Variants in SDAD1 observed in about 807,000 individuals in gnomAD.
The protein encoded by SDAD1 is SDA1 domain containing 1.
SDAD1 carries 79 observed loss-of-function variants against 100.3 expected under a neutral mutation model. The observed-to-expected ratio is 0.79, with a 90% CI of 0.66 to 0.95. The LOEUF (loss-of-function observed/expected upper bound fraction) is 0.95. SDAD1 is among the 40% of genes least tolerant of loss of function. The pLI is 0.00. For missense variants in SDAD1, 790 were observed against 810.9 expected (o/e 0.97, Z 0.31); for synonymous variants, 267 against 271.4 (o/e 0.98, Z 0.16).
intron 1 of SDAD1, among the ~76,000 whole-genome samples, chr4:75,988,668 T>C (rs1731048577): frequency 6.6e-6 from 1 of 152,218 alleles, no homozygotes; most frequent in African/African-American, 2.4e-5. Context: ...CAATATTATG[T>C]AGTCCCAGGG....
chr4:75,971,748 T>C (rs936441249), intron 8 of SDAD1, among the ~76,000 whole-genome samples: 7 of 152,042 alleles, frequency 4.6e-5, no homozygotes, highest in East Asian at 1.9e-4. Context: ...GGTGCACACC[T>C]GTAATCCCAG....
intron 1 of SDAD1, among the ~76,000 whole-genome samples, chr4:75,988,945 T>C (rs1320318503): frequency 6.6e-6 from 1 of 152,194 alleles, no homozygotes; most frequent in Non-Finnish European, 1.5e-5. Context: ...AGATCCATTA[T>C]ATTAGTTACC....
At position 75,975,981 on chromosome 4, in the gene SDAD1, A is replaced by G. The variant is rs1578138385; in HGVS notation, c.420T>C (p.His140=). 1 of 1,598,130 alleles carries G rather than the reference A, an allele frequency of 6.3e-7. No individual in the cohort carries two copies. Among genetic ancestry groups the G allele is most frequent in the South Asian group, 1.1e-5 (1 of 90,664 alleles). ...TTATATTCTTGATATCAGTCACAAT[A>G]TGTGTGTATAAAGTCTGAGGAAAAG... ...DKLLRKTLYT[H]IVTDIKNINA... The change falls in exon 5 of 22, where the codon CAT becomes CAC. Residue 140 remains histidine (H), a synonymous_variant. Transcript: ENST00000356260.
At chr4:75,959,599 C>T (rs1178646695) in intron 17 of SDAD1, among the ~76,000 whole-genome samples, 3 of 148,338 alleles carry the variant, frequency 2.0e-5, no homozygotes, top group Non-Finnish European at 4.5e-5. Flanking sequence ...GAGACTCCAA[C>T]GTGAGGAAAA....
chr4:75,964,317 C>T lies in SDAD1; in HGVS notation c.1105-106G>A. ...TATTCATAGTGGAAAACCCAGCCTT[C>T]CACCTTCAGTTTAGGAATTGGAAGT... On this transcript the variant is annotated intron_variant, in intron 13 of 21. Transcript: ENST00000356260. 4.0e-6 allele frequency: 3 copies of T among 756,608 alleles called. No homozygotes were observed. The South Asian group carries it at 4.7e-5, about 12-fold the overall frequency. The allele number at this position is 756,608 out of a possible 1,614,324, so 46.9% of individuals were successfully genotyped here.
chr4:75,981,653 G>A (rs1051826273), intron 2 of SDAD1, 183 bp from the exon 3 acceptor site: 5 of 1,040,054 alleles, frequency 4.8e-6, no homozygotes, highest in Non-Finnish European at 7.0e-6. Context: ...GGTTTCTCTA[G>A]TCTTAGTAAT....
intron 17 of SDAD1, among the ~76,000 whole-genome samples, chr4:75,958,979 T>A (rs1482404606): frequency 6.6e-6 from 1 of 151,062 alleles, no homozygotes; most frequent in African/African-American, 2.4e-5. Flanking sequence ...GCGCCTGTAG[T>A]CCCAGCTATT....
intron 1 of SDAD1, among the ~76,000 whole-genome samples, chr4:75,985,359 C>G (rs750974536): frequency 6.6e-6 from 1 of 152,202 alleles, no homozygotes; most frequent in South Asian, 2.1e-4. Flanking sequence ...CACACTGCTA[C>G]GTCGTTTCTT....
At chr4:75,983,358 G>T (rs1453050269) in intron 1 of SDAD1, among the ~76,000 whole-genome samples, 1 of 152,152 alleles carries the variant, frequency 6.6e-6, no homozygotes, top group Non-Finnish European at 1.5e-5. Flanking sequence ...GATCCTTGAG[G>T]AATTGCCACA....
Position 75,957,848 on chromosome 4 carries a change from AT to A in SDAD1, c.1576del (p.Ile526SerfsTer5). 1 of 1,614,086 alleles carries A rather than the reference AT, an allele frequency of 6.2e-7. No individual in the cohort carries two copies. The highest frequency in any genetic ancestry group is 8.5e-7 in the Non-Finnish European group (1 of 1,179,978). ...ATAAGATGAAATTTTCAGACTTACGATTTCTTGCTGTTCTTCATCGGAAGAG... is the reference window on the plus strand; with the variant it reads ...ATAAGATGAAATTTTCAGACTTACGATTCTTGCTGTTCTTCATCGGAAGAG... ...QHSSDEEQQE[I>X]SKKLNSMPME... is the part of the protein sequence containing the mutation. On this transcript the variant is annotated frameshift_variant and splice_region_variant, in exon 18 of 22. Transcript: ENST00000356260. LOFTEE classifies it high-confidence loss of function.
At chr4:75,964,996 A>C (rs1729457856) in intron 13 of SDAD1, among the ~76,000 whole-genome samples, 1 of 152,238 alleles carries the variant, frequency 6.6e-6, no homozygotes, top group Non-Finnish European at 1.5e-5. Flanking sequence ...AGAACAGGGT[A>C]ACAGCGATGT....
chr4:75,983,847 T>A (rs917649371), intron 1 of SDAD1, among the ~76,000 whole-genome samples: 2 of 152,168 alleles, frequency 1.3e-5, no homozygotes, highest in African/African-American at 2.4e-5. Context: ...GGTGTTTTAG[T>A]CATTAAGTCT....
In SDAD1 at chr4:75,969,413, G is replaced by A. The variant is rs76310548; in HGVS notation, c.884-14C>T. Reference sequence around the variant, plus strand: ...TTTCCGCAAAATCTGGCAAGGAGAGGATGAAAGAAGTACATTGTGAGTCTA... The same window carrying A: ...TTTCCGCAAAATCTGGCAAGGAGAGAATGAAAGAAGTACATTGTGAGTCTA... On this transcript the variant is annotated splice_polypyrimidine_tract_variant and intron_variant, in intron 10 of 21. Transcript: ENST00000356260. 3.5e-3 allele frequency: 5,430 copies of A among 1,566,292 alleles called. 10 individuals are homozygous for A. The highest frequency in any genetic ancestry group is 6.7e-3 in the Middle Eastern group (40 of 5,958).
At chr4:75,973,996 T>C in intron 7 of SDAD1, 80 bp downstream of exon 7, 2 of 1,226,294 alleles carry the variant, frequency 1.6e-6, no homozygotes, top group Non-Finnish European at 2.4e-6. Context: ...CAGTTTATGC[T>C]GAGTGATGCT....
intron 4 of SDAD1, among the ~76,000 whole-genome samples, chr4:75,977,351 A>C (rs112974713): frequency 1.3e-5 from 2 of 152,160 alleles, no homozygotes; most frequent in South Asian, 2.1e-4. Flanking sequence ...AAGTTACTCT[A>C]TCTCTCTTTA....
chr4:75,953,970 G>C (rs562123069), intron 21 of SDAD1, among the ~76,000 whole-genome samples: 1 of 152,106 alleles, frequency 6.6e-6, no homozygotes, highest in Non-Finnish European at 1.5e-5. Context: ...AAACATCAGG[G>C]CTTTCAAAAG....
At chr4:75,983,807 TC>T (rs1730699895) in intron 1 of SDAD1, among the ~76,000 whole-genome samples, 1 of 152,236 alleles carries the variant, frequency 6.6e-6, no homozygotes, top group Non-Finnish European at 1.5e-5. Context: ...ATCCCATTTG[TC>T]AATTTTGGCT....
intron 2 of SDAD1, 121 bp downstream of exon 2, chr4:75,981,812 G>C (rs1010729193): frequency 2.4e-6 from 2 of 829,408 alleles, no homozygotes; most frequent in Non-Finnish European, 3.7e-6. Flanking sequence ...AAAAGGGAAA[G>C]TTAGAAAAAT....
chr4:75,982,782 C>T (rs1426580219), intron 1 of SDAD1, among the ~76,000 whole-genome samples: 3 of 150,954 alleles, frequency 2.0e-5, no homozygotes, highest in African/African-American at 7.3e-5. Context: ...AAAATCCCAC[C>T]CCCCCACTGC....
Sources: allele counts gnomAD v4.1 joint callset (sites outside exome capture counted in the v4.1 genomes callset), GRCh38; gene constraint gnomAD v4.1.1; transcripts MANE v1.5; gene names NCBI Gene and HGNC (gene_info 2026-07-23, HGNC 2026-07-21).